The following CCDC33 variants were observed in gnomAD, a reference collection of about 807,000 sequenced individuals.
The protein encoded by CCDC33 is coiled-coil domain containing 33.
A neutral mutation model predicts 91.9 loss-of-function variants in CCDC33; 94 were observed. That is an observed-to-expected ratio of 1.02 (90% CI 0.87 to 1.21). CCDC33 has a LOEUF of 1.21. Among genes scored for constraint, CCDC33 ranks in the 50% most tolerant of loss-of-function variants. CCDC33 has a pLI of 0.00. For missense variants in CCDC33, 940 were observed against 935.5 expected (o/e 1.00, Z -0.06); for synonymous variants, 396 against 374.5 (o/e 1.06, Z -0.66).
At chr15:74,336,312 G>A (rs1277303819), downstream of CCDC33, 2 of 1,399,466 alleles carry the variant, frequency 1.4e-6, no homozygotes, top group East Asian at 3.5e-5. Flanking sequence ...GGAGGGTGGA[G>A]AGAAGAGGCC....
At chr15:74,294,118 T>C (rs972695807) in intron 10 of CCDC33, among the ~76,000 whole-genome samples, 4 of 152,220 alleles carry the variant, frequency 2.6e-5, no homozygotes, top group African/African-American at 9.7e-5. Context: ...CTCTGGTTGT[T>C]CAGGGTCAAA....
Position 74,247,357 on chromosome 15 carries a change from CAT to C in CCDC33, c.185+3223_185+3224del, listed in dbSNP as rs745393579. ...GAATGAATGGATAAAGAAAAAATGT[CAT>C]ATATATATATATACACACACACACA... is the stretch of plus-strand genomic sequence containing the variant. On this transcript the variant is annotated intron_variant, in intron 2 of 18. Transcript: ENST00000398814. 9.8e-4 allele frequency among the ~76,000 whole-genome samples: 135 copies of C among 137,832 alleles called. 1 individual carries two copies. The highest frequency in any genetic ancestry group is 8.0e-3 in the East Asian group (28 of 3,500). The allele number at this position is 137,832 out of a possible 152,430, so 90.4% of individuals were successfully genotyped here. A position where few individuals can be genotyped will look rare whatever the true frequency, so the allele number is the denominator to read the frequency against.
chr15:74,328,906 C>T (rs1013520705), intron 11 of CCDC33, among the ~76,000 whole-genome samples: 8 of 152,204 alleles, frequency 5.3e-5, no homozygotes, highest in Admixed American at 4.6e-4. Context: ...GCCACAGGGG[C>T]TCAGCAAACG....
intron 5 of CCDC33, among the ~76,000 whole-genome samples, chr15:74,269,794 G>A (rs553467045): frequency 5.9e-5 from 9 of 152,300 alleles, no homozygotes; most frequent in African/African-American, 2.2e-4. Context: ...GACAGGTATG[G>A]CCACAGAGCA....
chr15:74,203,043 C>T (rs1027710123), exon 1 of CCDC33: 1 of 985,904 alleles, frequency 1.0e-6, no homozygotes, highest in East Asian at 1.1e-4. Flanking sequence ...AGCCCCTGCC[C>T]GCCACATCTG....
At chr15:74,233,917 C>T (rs965249877), upstream of CCDC33, among the ~76,000 whole-genome samples, 9 of 152,102 alleles carry the variant, frequency 5.9e-5, no homozygotes, top group African/African-American at 2.2e-4. Context: ...GGGGGTGGGA[C>T]AGGACTCACA....
intron 10 of CCDC33, among the ~76,000 whole-genome samples, chr15:74,292,649 G>A (rs970876941): frequency 5.3e-5 from 8 of 152,196 alleles, no homozygotes; most frequent in Non-Finnish European, 1.2e-4. Flanking sequence ...AAAGTTGAAT[G>A]GGACAGGGGA....
At chr15:74,208,475 T>C (rs1169814987) in intron 1 of CCDC33, among the ~76,000 whole-genome samples, 2 of 152,090 alleles carry the variant, frequency 1.3e-5, no homozygotes, top group African/African-American at 4.8e-5. Flanking sequence ...TCCCCTGACT[T>C]CTCTCTCCTT....
chr15:74,323,819 G>A (rs564288713), intron 11 of CCDC33, among the ~76,000 whole-genome samples: 2 of 151,930 alleles, frequency 1.3e-5, no homozygotes, highest in South Asian at 2.1e-4. Context: ...TTAAGCTGCC[G>A]GTTGGTTCAC....
At chr15:74,267,354 T>G (rs561552531) in intron 4 of CCDC33, among the ~76,000 whole-genome samples, 1 of 151,960 alleles carries the variant, frequency 6.6e-6, no homozygotes, top group Non-Finnish European at 1.5e-5. Flanking sequence ...CCCAGGAGAG[T>G]TGGGGGGTAC....
chr15:74,332,972 G>A (rs2060472523), intron 16 of CCDC33, 127 bp downstream of exon 16: 1 of 1,156,686 alleles, frequency 8.6e-7, no homozygotes, highest in Non-Finnish European at 1.2e-6. Context: ...TCTGCCTGGG[G>A]GCTCCTGGAA....
chr15:74,246,497 A>G (rs930692623), intron 2 of CCDC33, among the ~76,000 whole-genome samples: 1 of 152,242 alleles, frequency 6.6e-6, no homozygotes, highest in African/African-American at 2.4e-5. Context: ...ACCCAATTTA[A>G]AAAATGAGAA....
At chr15:74,335,228 A>G in intron 18 of CCDC33, 140 bp downstream of exon 18, 1 of 777,424 alleles carries the variant, frequency 1.3e-6, no homozygotes, top group Admixed American at 1.7e-5. Flanking sequence ...CTAGGCTCCC[A>G]TTCCTGCTCC....
intron 11 of CCDC33, chr15:74,301,633 G>A (rs1372080623): frequency 6.6e-6 from 1 of 152,338 alleles, no homozygotes; most frequent in Non-Finnish European, 1.5e-5. Flanking sequence ...CTTAGTGAAT[G>A]AGAGAGAGCT....
At chr15:74,215,563 T>C (rs1248179778), upstream of CCDC33, among the ~76,000 whole-genome samples, 1 of 151,844 alleles carries the variant, frequency 6.6e-6, no homozygotes, top group East Asian at 1.9e-4. Context: ...AAAAAGTAAC[T>C]GTACACACAC....
intron 2 of CCDC33, among the ~76,000 whole-genome samples, chr15:74,225,482 C>T (rs1027698753): frequency 3.3e-5 from 5 of 149,788 alleles, no homozygotes; most frequent in Admixed American, 2.0e-4. Context: ...TGCACACATA[C>T]GTGAATATAC....
rs1393862162 is a variant in CCDC33 at position 74,332,557 on chromosome 15, A to G, written c.1772-122A>G. On this transcript the variant is annotated intron_variant, in intron 15 of 18. Transcript: ENST00000398814. ...CTGATCCCACTGGTGGTAGGGAGCC[A>G]TTGAAGGCTTGGGAGTAGAGGGGAG... The G allele has an allele frequency of 3.9e-6, 4 of 1,027,306 alleles. No homozygotes were observed. In the Admixed American group the frequency reaches 6.4e-5, roughly 16 times the overall value. The allele number at this position is 1,027,306 out of a possible 1,614,324, so 63.6% of individuals were successfully genotyped here. A position where few individuals can be genotyped will look rare whatever the true frequency, so the allele number is the denominator to read the frequency against.
intron 11 of CCDC33, among the ~76,000 whole-genome samples, chr15:74,322,763 C>T (rs1391621210): frequency 6.6e-6 from 1 of 152,214 alleles, no homozygotes; most frequent in African/African-American, 2.4e-5. Context: ...GGCGGCTGCC[C>T]TCTGCTGACT....
At chr15:74,324,965 C>T (rs1480822338) in intron 11 of CCDC33, among the ~76,000 whole-genome samples, 50 of 151,022 alleles carry the variant, frequency 3.3e-4, no homozygotes, top group Admixed American at 3.3e-3. Context: ...CCTCCTCCCC[C>T]ACCTCCTCCT....
Sources: gnomAD v4.1 joint callset for allele counts (sites outside exome capture counted in the v4.1 genomes callset) on GRCh38, gnomAD v4.1.1 for gene constraint, MANE v1.5 for transcripts, NCBI Gene and HGNC (gene_info 2026-07-23, HGNC 2026-07-21) for gene names.